CNTNAP2: variants seen among roughly 807,000 people sequenced by gnomAD.
CNTNAP2 encodes contactin-associated protein-like 2.
Under a neutral mutation model 155.2 loss-of-function variants are expected in CNTNAP2, and 98 were observed. The ratio of observed to expected loss-of-function variants is 0.63; its 90% confidence interval spans 0.54 to 0.75. The LOEUF (loss-of-function observed/expected upper bound fraction) is 0.75, where lower values mean the gene tolerates loss of function less well. CNTNAP2 is among the 30% of genes least tolerant of loss of function. The pLI, the probability that CNTNAP2 is intolerant of heterozygous loss-of-function variation, is 0.00. For missense variants in CNTNAP2, 1,727 were observed against 1,688.1 expected, an observed-to-expected ratio of 1.02 and a Z score of -0.40; for synonymous variants, 651 against 631.2, an observed-to-expected ratio of 1.03 and a Z score of -0.47.
At chr7:148,172,581 G>A (rs771263778) in intron 18 of CNTNAP2, 103 bp downstream of exon 18, 2 of 1,038,180 alleles carry the variant, frequency 1.9e-6, no homozygotes, top group African/African-American at 3.1e-5. Context: ...CTTATTCTGA[G>A]GTTAAGATGA....
chr7:147,948,667 A>G (rs910546226), intron 14 of CNTNAP2, among the ~76,000 whole-genome samples: 17 of 149,404 alleles, frequency 1.1e-4, no homozygotes, highest in African/African-American at 2.5e-4. Context: ...ACATATATAT[A>G]TGTGTGTGTG....
At chr7:147,021,299 G>A (rs985555805) in intron 3 of CNTNAP2, among the ~76,000 whole-genome samples, 2 of 152,042 alleles carry the variant, frequency 1.3e-5, no homozygotes, top group African/African-American at 2.4e-5. Flanking sequence ...CCAAAAGATT[G>A]GATGCCTCTA....
intron 1 of CNTNAP2, among the ~76,000 whole-genome samples, chr7:146,306,278 C>T (rs1462976325): frequency 2.0e-5 from 3 of 152,038 alleles, no homozygotes; most frequent in Non-Finnish European, 4.4e-5. Context: ...CAAAAACGTC[C>T]AGGACCAGAT....
rs573199615 is a variant in CNTNAP2 at position 148,061,705 on chromosome 7, G to A, written c.2384-56413G>A. 1.1e-4 allele frequency among the ~76,000 whole-genome samples: 17 copies of A among 152,052 alleles called. No homozygotes were observed. The South Asian group carries it at 3.5e-3, about 32-fold the overall frequency. On this transcript the variant is annotated intron_variant, in intron 15 of 23. Transcript: ENST00000361727. ...TAATATATAACTTCAAAACCAGAAT[G>A]GGGGAGGAAATGGATTAAGAAAACA...
intron 6 of CNTNAP2, 24 bp from the exon 7 acceptor site, chr7:147,128,669 A>C: frequency 6.2e-7 from 1 of 1,613,518 alleles, no homozygotes; most frequent in Non-Finnish European, 8.5e-7. Flanking sequence ...GTGGACGTTT[A>C]CATTTAATTT....
At position 146,838,641 on chromosome 7, in the gene CNTNAP2, T is replaced by A. The variant is rs773609902; in HGVS notation, c.209-1070T>A. Among the ~76,000 whole-genome samples the A allele has an allele frequency of 7.5e-4, 115 of 152,326 alleles. 1 individual carries two copies. The highest frequency in any genetic ancestry group is 3.4e-3 in the Middle Eastern group (1 of 294). ...TCAGTTATTTTATATATTTTTTAGTTTTGTAATTTTAAAAAAAGCTATTCT... is the reference window on the plus strand; with the variant it reads ...TCAGTTATTTTATATATTTTTTAGTATTGTAATTTTAAAAAAAGCTATTCT... On this transcript the variant is annotated intron_variant, in intron 2 of 23. Transcript: ENST00000361727.
chr7:146,601,117 G>A (rs1798943475), intron 1 of CNTNAP2, among the ~76,000 whole-genome samples: 1 of 151,948 alleles, frequency 6.6e-6, no homozygotes, highest in East Asian at 1.9e-4. Flanking sequence ...CTTAATTTTA[G>A]AAGCAGATTG....
At chr7:148,164,465 CT>C (rs1055816322) in intron 17 of CNTNAP2, among the ~76,000 whole-genome samples, 8 of 152,152 alleles carry the variant, frequency 5.3e-5, no homozygotes, top group Admixed American at 1.3e-4. Flanking sequence ...AGTCCTAGCT[CT>C]TTTTCCCACC....
chr7:147,763,671 T>A (rs532536279), intron 13 of CNTNAP2, among the ~76,000 whole-genome samples: 1 of 152,224 alleles, frequency 6.6e-6, no homozygotes, highest in East Asian at 1.9e-4. Flanking sequence ...CAGAAAGGCA[T>A]TGACTATAAG....
In CNTNAP2 at chr7:147,175,825, G is replaced by T. The variant is rs183998249; in HGVS notation, c.1348+43316G>T. Among the ~76,000 whole-genome samples the T allele has an allele frequency of 9.9e-5, 15 of 152,262 alleles. No homozygotes were observed. The East Asian group carries it at 2.9e-3, about 29-fold the overall frequency. The stretch of plus-strand genomic sequence containing the variant: ...CCAGCTGCATAAAATGTCTCTATCT[G>T]TTAGGATCAATAAAACAAGCTCTCT... On this transcript the variant is annotated intron_variant, in intron 8 of 23. Coordinates refer to ENST00000361727, the MANE Select transcript of CNTNAP2 (RefSeq NM_014141.6).
chr7:146,265,102 A>C (rs1037745124), intron 1 of CNTNAP2, among the ~76,000 whole-genome samples: 2 of 152,216 alleles, frequency 1.3e-5, no homozygotes, highest in Non-Finnish European at 2.9e-5. Context: ...CTAACAGTTC[A>C]CAGTTCAGTT....
At chr7:146,677,178 G>GGGGAAGTGGGAGGCTTCCA (rs1180977766) in intron 1 of CNTNAP2, among the ~76,000 whole-genome samples, 3 of 152,188 alleles carry the variant, frequency 2.0e-5, no homozygotes, top group African/African-American at 7.2e-5. Context: ...GTTATACGTG[G>GGGGAAGTGGGAGGCTTCCA]AACTGGAAGT....
At chr7:147,004,114 G>A (rs1376080972) in intron 3 of CNTNAP2, among the ~76,000 whole-genome samples, 2 of 149,202 alleles carry the variant, frequency 1.3e-5, no homozygotes, top group African/African-American at 4.9e-5. Context: ...ATATTTCCAT[G>A]ATATTTGGCG....
At chr7:148,198,475 T>C (rs978853308) in intron 18 of CNTNAP2, among the ~76,000 whole-genome samples, 2 of 152,194 alleles carry the variant, frequency 1.3e-5, no homozygotes, top group African/African-American at 2.4e-5. Flanking sequence ...TTCCTAATGG[T>C]TAAGCTATGT....
Position 147,283,334 on chromosome 7 carries a change from A to G in CNTNAP2, c.1349-16807A>G, listed in dbSNP as rs1805092431. ...GTTCAAAGGCTTTTTTTTAAAAAAA[A>G]CTGAACATACCTATGTAACTAGTGT... On this transcript the variant is annotated intron_variant, in intron 8 of 23. Coordinates refer to ENST00000361727, the MANE Select transcript of CNTNAP2 (RefSeq NM_014141.6). 2.6e-5 allele frequency among the ~76,000 whole-genome samples: 4 copies of G among 151,904 alleles called. 1 individual carries two copies. Among genetic ancestry groups the G allele is most frequent in the African/African-American group, 2.4e-5 (1 of 41,412 alleles).
intron 13 of CNTNAP2, chr7:147,672,936 T>G (rs1163781440): frequency 6.6e-6 from 1 of 152,176 alleles, no homozygotes; most frequent in Admixed American, 6.5e-5. Context: ...ATTCCCCAAA[T>G]CAAAAGTATT....
rs77903005 is a variant in CNTNAP2 at position 146,813,800 on chromosome 7, C to A, written c.209-25911C>A. 2.0e-5 allele frequency among the ~76,000 whole-genome samples: 3 copies of A among 152,242 alleles called. No homozygotes were observed. The South Asian group carries it at 6.2e-4, about 32-fold the overall frequency. ...CTTGAATTGTAATTCCCATAATCCC[C>A]ATGTGTCATGGGAGAGACCCGGTGG... is the stretch of plus-strand genomic sequence containing the variant. On this transcript the variant is annotated intron_variant, in intron 2 of 23. Coordinates refer to ENST00000361727, the MANE Select transcript of CNTNAP2 (RefSeq NM_014141.6).
intron 8 of CNTNAP2, among the ~76,000 whole-genome samples, chr7:147,136,532 G>A (rs1801482347): frequency 6.6e-6 from 1 of 151,912 alleles, no homozygotes; most frequent in African/African-American, 2.4e-5. Flanking sequence ...TCTCAAGGGA[G>A]GAGTGGGAGT....
chr7:147,913,954 T>G, intron 14 of CNTNAP2, among the ~76,000 whole-genome samples: 1 of 152,252 alleles, frequency 6.6e-6, no homozygotes, highest in South Asian at 2.1e-4. Context: ...CCATCAAAAC[T>G]TGAACACTAC....
Sources: gnomAD v4.1 joint callset for allele counts (sites outside exome capture counted in the v4.1 genomes callset) on GRCh38, gnomAD v4.1.1 for gene constraint, MANE v1.5 for transcripts, NCBI Gene and HGNC (gene_info 2026-07-23, HGNC 2026-07-21) for gene names.